Variants in ANK3 observed in about 807,000 individuals in gnomAD.
The protein encoded by ANK3 is ankyrin 3, also known as ankyrin-3.
A neutral mutation model predicts 370.9 loss-of-function variants in ANK3; 57 were observed. That is an observed-to-expected ratio of 0.15 (90% CI 0.12 to 0.19). The LOEUF is 0.19. Among genes scored for constraint, ANK3 ranks in the 10% least tolerant of loss-of-function variants. The pLI, the probability that ANK3 is intolerant of heterozygous loss-of-function variation, is 1.00. For missense variants in ANK3, 4,439 were observed against 5,302.1 expected (o/e 0.84, Z 5.06); for synonymous variants, 1,929 against 1,946.3 (o/e 0.99, Z 0.23).
At chr10:60,619,560 C>T (rs930977446) in intron 1 of ANK3, among the ~76,000 whole-genome samples, 2 of 152,158 alleles carry the variant, frequency 1.3e-5, no homozygotes, top group Non-Finnish European at 2.9e-5. Flanking sequence ...GTTCTTGACT[C>T]CTGTCTTGAC....
intron 18 of ANK3, among the ~76,000 whole-genome samples, chr10:60,180,615 C>CAAAAAAAAAAAAAAAAAAAAA (rs990463587): frequency 1.9e-5 from 2 of 106,152 alleles, no homozygotes; most frequent in Non-Finnish European, 1.9e-5. Flanking sequence ...AAAAAAAAAC[C>CAAAAAAAAAAAAAAAAAAAAA]AAAAAAAAAA....
intron 2 of ANK3, among the ~76,000 whole-genome samples, chr10:60,482,444 C>T (rs1313834864): frequency 6.6e-6 from 1 of 152,140 alleles, no homozygotes; most frequent in Non-Finnish European, 1.5e-5. Context: ...ACCAGATTTA[C>T]AAGTGTTCTG....
At chr10:60,253,374 C>T (rs2097694262) in intron 7 of ANK3, among the ~76,000 whole-genome samples, 3 of 152,202 alleles carry the variant, frequency 2.0e-5, no homozygotes, top group Admixed American at 6.5e-5. Context: ...CCTCACTCCA[C>T]TGTCACTTAG....
At chr10:60,710,876 C>T (rs2079695040) in intron 1 of ANK3, among the ~76,000 whole-genome samples, 1 of 152,210 alleles carries the variant, frequency 6.6e-6, no homozygotes, top group African/African-American at 2.4e-5. Context: ...GGTTGATGTT[C>T]TGGCTCAACT....
At chr10:60,357,382 C>T (rs1233867600) in intron 1 of ANK3, among the ~76,000 whole-genome samples, 1 of 152,180 alleles carries the variant, frequency 6.6e-6, no homozygotes, top group Non-Finnish European at 1.5e-5. Flanking sequence ...CATATCCAGA[C>T]TCCGCCTATC....
intron 1 of ANK3, among the ~76,000 whole-genome samples, chr10:60,357,676 C>A (rs1012999306): frequency 2.6e-5 from 4 of 152,184 alleles, no homozygotes; most frequent in Admixed American, 2.0e-4. Context: ...ACTTACTTAG[C>A]AAATTTGCTT....
intron 2 of ANK3, among the ~76,000 whole-genome samples, chr10:60,579,066 C>G (rs972057400): frequency 2.0e-5 from 3 of 151,992 alleles, no homozygotes; most frequent in African/African-American, 7.2e-5. Flanking sequence ...GTGGCTCACG[C>G]CTGTAATCCC....
chr10:60,139,337 C>G, intron 23 of ANK3: 1 of 440,158 alleles, frequency 2.3e-6, no homozygotes, highest in South Asian at 5.0e-5. Context: ...GAAAACATTA[C>G]CCGTATCCCT....
intron 23 of ANK3, among the ~76,000 whole-genome samples, chr10:60,162,515 GGCCA>G (rs1178207695): frequency 6.6e-6 from 1 of 152,048 alleles, no homozygotes; most frequent in Admixed American, 6.6e-5. Flanking sequence ...GGCTTCCACT[GGCCA>G]CCAAATTTGG....
At chr10:60,169,488 C>G (rs1468064503) in intron 21 of ANK3, among the ~76,000 whole-genome samples, 2 of 148,530 alleles carry the variant, frequency 1.3e-5, no homozygotes. Context: ...CATGACTTAT[C>G]ATTGTTGATG....
At chr10:60,438,470 A>G (rs967659494) in intron 2 of ANK3, among the ~76,000 whole-genome samples, 1 of 152,174 alleles carries the variant, frequency 6.6e-6, no homozygotes, top group Non-Finnish European at 1.5e-5. Flanking sequence ...CCTAGTTCCC[A>G]CATCCCAGCA....
chr10:60,597,637 A>ATCAGC (rs1199006208), intron 2 of ANK3, among the ~76,000 whole-genome samples: 21 of 152,166 alleles, frequency 1.4e-4, no homozygotes, highest in Admixed American at 3.3e-4. Flanking sequence ...CCCCTGAAGA[A>ATCAGC]TCAGCTCAAA....
In ANK3 at chr10:60,368,470, CATG is replaced by C. The variant is rs1359810686; in HGVS notation, c.114+20952_114+20954del. 2.6e-5 allele frequency among the ~76,000 whole-genome samples: 4 copies of C among 152,146 alleles called. 1 individual carries two copies. The highest frequency in any genetic ancestry group is 2.6e-4 in the Admixed American group (4 of 15,290). On this transcript the variant is annotated intron_variant, in intron 1 of 43. Transcript: ENST00000280772. ...GTGTACTGAGCTGTTTGGCTTTATT[CATG>C]ATGTTTATTGATTGTTCTTACTAAC... is the stretch of plus-strand genomic sequence containing the variant.
chr10:60,325,535 A>G (rs1432157706), intron 1 of ANK3, among the ~76,000 whole-genome samples: 1 of 152,120 alleles, frequency 6.6e-6, no homozygotes, highest in African/African-American at 2.4e-5. Context: ...GTGGATTTTC[A>G]TGCTCCCCAT....
intron 1 of ANK3, among the ~76,000 whole-genome samples, chr10:60,717,802 A>G (rs10821830): frequency 0.31 from 47,554 of 152,100 alleles, 7,718 homozygotes; most frequent in South Asian, 0.48. Context: ...TTGACACCAA[A>G]TTGGTGAGAT....
chr10:60,561,388 A>G (rs994766691), intron 2 of ANK3, among the ~76,000 whole-genome samples: 6 of 152,200 alleles, frequency 3.9e-5, no homozygotes, highest in Non-Finnish European at 8.8e-5. Context: ...AGTAATTGTT[A>G]AATGGAGGCT....
intron 23 of ANK3, among the ~76,000 whole-genome samples, chr10:60,143,292 T>C (rs2094652962): frequency 6.6e-6 from 1 of 152,190 alleles, no homozygotes; most frequent in Non-Finnish European, 1.5e-5. Flanking sequence ...CAAAACATTC[T>C]ATCATTATTA....
intron 9 of ANK3, 44 bp from the exon 10 acceptor site, chr10:60,208,277 A>C (rs1441990670): frequency 2.6e-6 from 4 of 1,564,380 alleles, no homozygotes; most frequent in Middle Eastern, 1.7e-4. Context: ...TTACCTTTTA[A>C]ACACAAATGT....
chr10:60,482,520 C>T (rs1337199611), intron 2 of ANK3, among the ~76,000 whole-genome samples: 1 of 152,096 alleles, frequency 6.6e-6, no homozygotes, highest in African/African-American at 2.4e-5. Flanking sequence ...CAGAGTCTCA[C>T]TCTGTCACCC....
Sources: gnomAD v4.1 joint callset for allele counts (sites outside exome capture counted in the v4.1 genomes callset) on GRCh38, gnomAD v4.1.1 for gene constraint, MANE v1.5 for transcripts, NCBI Gene and HGNC (gene_info 2026-07-23, HGNC 2026-07-21) for gene names.